Variants in HECTD2 observed in about 807,000 individuals in gnomAD.
HECTD2 encodes the protein HECT domain E3 ubiquitin protein ligase 2.
In HECTD2, 35 loss-of-function variants were observed where a neutral mutation model predicts 103.2. The ratio of observed to expected loss-of-function variants is 0.34; its 90% CI spans 0.26 to 0.45. HECTD2 has a LOEUF of 0.45. Ranked by LOEUF, HECTD2 falls within the 20% of genes least tolerant of loss-of-function variation. The pLI, the probability that HECTD2 is intolerant of heterozygous loss-of-function variation, is 1.00. For synonymous variants in HECTD2, 281 were observed against 329.9 expected, an observed-to-expected ratio of 0.85 and a Z score of 1.61; for missense variants, 596 against 937.4, an observed-to-expected ratio of 0.64 and a Z score of 4.76.
Position 91,410,382 on chromosome 10 carries a change from G to A in HECTD2, c.-57G>A, listed in dbSNP as rs1432974906. ...GGCCGCGGCGGCAGCAGCAGCGCCA[G>A]CCCCAGCAACACTGAGGCCGCCGCC... is the stretch of plus-strand genomic sequence containing the variant. On this transcript the variant is annotated 5_prime_UTR_variant, in exon 1 of 21. Coordinates refer to ENST00000298068, the MANE Select transcript of HECTD2 (RefSeq NM_182765.6). The A allele has an allele frequency of 3.3e-6, 4 of 1,196,614 alleles. No homozygotes were observed. Among genetic ancestry groups the A allele is most frequent in the East Asian group, 6.8e-5 (2 of 29,532 alleles). 74.1% of individuals were successfully genotyped at this position (1,196,614 alleles called of 1,614,324 possible). A position where few individuals can be genotyped will look rare whatever the true frequency, so the allele number is the denominator to read the frequency against.
At chr10:91,501,089 G>A in intron 19 of HECTD2, 102 bp from the exon 20 acceptor site, 2 of 925,142 alleles carry the variant, frequency 2.2e-6, no homozygotes, top group Non-Finnish European at 3.4e-6. Context: ...AGGATATTAT[G>A]TATGCTTAAG....
At chr10:91,482,883 T>C in intron 7 of HECTD2, 84 bp from the exon 8 acceptor site, 1 of 551,100 alleles carries the variant, frequency 1.8e-6, no homozygotes, top group South Asian at 2.8e-5. Flanking sequence ...TTTCCTGAAT[T>C]TACCACGTAC....
chr10:91,503,434 C>A (rs1846991468), intron 20 of HECTD2, among the ~76,000 whole-genome samples: 1 of 152,170 alleles, frequency 6.6e-6, no homozygotes, highest in African/African-American at 2.4e-5. Flanking sequence ...CGTGCGCGAG[C>A]CGAAGCAGGG....
intron 14 of HECTD2, among the ~76,000 whole-genome samples, chr10:91,494,401 A>T (rs1432749784): frequency 3.3e-5 from 5 of 152,132 alleles, no homozygotes; most frequent in Admixed American, 2.6e-4. Context: ...TGGTGAGAAT[A>T]AAAAAGGCTA....
intron 11 of HECTD2, chr10:91,489,602 A>G (rs145295482): frequency 3.5e-4 from 53 of 152,292 alleles, no homozygotes; most frequent in African/African-American, 8.4e-4. Flanking sequence ...GTTATTTCCA[A>G]TGTGACAGCT....
At chr10:91,493,645 C>A in intron 14 of HECTD2, 137 bp downstream of exon 14, 1 of 502,360 alleles carries the variant, frequency 2.0e-6, no homozygotes, top group South Asian at 3.4e-5. Flanking sequence ...ATTAGATTTT[C>A]AGTAATCTTC....
chr10:91,425,203 A>C, intron 1 of HECTD2, 78 bp from the exon 2 acceptor site: 1 of 1,146,792 alleles, frequency 8.7e-7, no homozygotes, highest in South Asian at 2.9e-5. Flanking sequence ...AATCTCTTAT[A>C]AATGTTTGTG....
intron 1 of HECTD2, among the ~76,000 whole-genome samples, chr10:91,410,790 G>T (rs75727580): frequency 6.6e-6 from 1 of 152,156 alleles, no homozygotes; most frequent in African/African-American, 2.4e-5. Flanking sequence ...TACCACCCTC[G>T]GGAAATGTTG....
At chr10:91,425,909 A>G (rs1336656939) in intron 2 of HECTD2, among the ~76,000 whole-genome samples, 2 of 151,968 alleles carry the variant, frequency 1.3e-5, no homozygotes, top group Non-Finnish European at 2.9e-5. Context: ...AAAAAGATAA[A>G]TGGAAAAAAT....
chr10:91,462,684 C>T, intron 5 of HECTD2: 1 of 990,518 alleles, frequency 1.0e-6, no homozygotes, highest in Non-Finnish European at 1.2e-6. Flanking sequence ...TCAAAAAATC[C>T]AGATGCATAT....
At position 91,500,379 on chromosome 10, in the gene HECTD2, A is replaced by C. The variant is rs367738903; in HGVS notation, c.1951-123A>C. The stretch of plus-strand genomic sequence containing the variant: ...TACCCAGAGTCGATTTTTCTTCAAC[A>C]AAAATGGTTTGATTTACTATGAGAA... On this transcript the variant is annotated intron_variant, in intron 18 of 20. Coordinates refer to ENST00000298068, the MANE Select transcript of HECTD2 (RefSeq NM_182765.6). The C allele has an allele frequency of 2.7e-5, 13 of 474,354 alleles. No homozygotes were observed. The East Asian group carries it at 3.2e-4, about 12-fold the overall frequency. The allele number at this position is 474,354 out of a possible 1,614,324, so 29.4% of individuals were successfully genotyped here.
chr10:91,502,104 T>A (rs1318560092), intron 20 of HECTD2, among the ~76,000 whole-genome samples: 1 of 152,164 alleles, frequency 6.6e-6, no homozygotes, highest in Non-Finnish European at 1.5e-5. Context: ...ATTAAACTCA[T>A]GTGCTTTAAC....
chr10:91,479,496 T>C (rs1175885984), intron 6 of HECTD2, among the ~76,000 whole-genome samples: 27 of 152,210 alleles, frequency 1.8e-4, no homozygotes, highest in Admixed American at 1.8e-3. Context: ...TTTTCTTAGT[T>C]TATTACTCTA....
chr10:91,429,865 T>C lies in HECTD2; in HGVS notation c.268+4455T>C, dbSNP rs1352966107. 4.6e-5 allele frequency among the ~76,000 whole-genome samples: 7 copies of C among 152,308 alleles called. No individual in the cohort carries two copies. The South Asian group carries it at 1.0e-3, about 23-fold the overall frequency. On this transcript the variant is annotated intron_variant, in intron 2 of 20. Coordinates refer to ENST00000298068, the MANE Select transcript of HECTD2 (RefSeq NM_182765.6). ...CATTAATTTTTTGAAGGTTTTTTTGTGTCTCTATTTCCTTCAGTTCTGCTC... is the reference window on the plus strand; with the variant it reads ...CATTAATTTTTTGAAGGTTTTTTTGCGTCTCTATTTCCTTCAGTTCTGCTC...
intron 2 of HECTD2, among the ~76,000 whole-genome samples, chr10:91,437,619 C>CTTTTTTTTTTTTTTTTTTTTTTTTTTTTT: frequency 1.1e-5 from 1 of 87,422 alleles, no homozygotes; most frequent in Non-Finnish European, 2.7e-5. Flanking sequence ...GATGGTTGTT[C>CTTTTTTTTTTTTTTTTTTTTTTTTTTTTT]TTTTTTTTTT....
chr10:91,434,929 A>G (rs570873172), intron 2 of HECTD2, among the ~76,000 whole-genome samples: 8 of 152,154 alleles, frequency 5.3e-5, no homozygotes, highest in African/African-American at 1.7e-4. Context: ...AAGTAATTCT[A>G]TATCTTAGGA....
In HECTD2 at chr10:91,431,709, G is replaced by C. The variant is rs146932488; in HGVS notation, c.268+6299G>C. Among the ~76,000 whole-genome samples, 184 of 151,956 alleles carry C rather than the reference G, an allele frequency of 1.2e-3. 4 individuals are homozygous for C. In the East Asian group the frequency reaches 0.034, roughly 28 times the overall value. ...CTTCTGCATTCTTCACGTGGTTCTCGAGCCTTGGCTTTCAGCTCCATCAGC... is the reference window on the plus strand; with the variant it reads ...CTTCTGCATTCTTCACGTGGTTCTCCAGCCTTGGCTTTCAGCTCCATCAGC... On this transcript the variant is annotated intron_variant, in intron 2 of 20. Coordinates refer to ENST00000298068, the MANE Select transcript of HECTD2 (RefSeq NM_182765.6).
intron 12 of HECTD2, among the ~76,000 whole-genome samples, chr10:91,491,951 A>G (rs1301686877): frequency 1.3e-5 from 2 of 151,888 alleles, no homozygotes; most frequent in Non-Finnish European, 2.9e-5. Context: ...CTCAAGCCAT[A>G]CTCCTACCTC....
intron 2 of HECTD2, among the ~76,000 whole-genome samples, chr10:91,458,557 A>G (rs1344302312): frequency 6.6e-6 from 1 of 152,038 alleles, no homozygotes; most frequent in Non-Finnish European, 1.5e-5. Flanking sequence ...TACTGAGATA[A>G]CCATGGAGGA....
Sources: allele counts gnomAD v4.1 joint callset (sites outside exome capture counted in the v4.1 genomes callset), GRCh38; gene constraint gnomAD v4.1.1; transcripts MANE v1.5; gene names NCBI Gene and HGNC (gene_info 2026-07-23, HGNC 2026-07-21).